Variants in CRIP1 observed in about 807,000 individuals in gnomAD.
The protein encoded by CRIP1 is cysteine rich protein 1, also known as cysteine-rich protein 1.
A neutral mutation model predicts 12.9 loss-of-function variants in CRIP1; 11 were observed. The ratio of observed to expected loss-of-function variants is 0.86; its 90% confidence interval spans 0.54 to 1.42. The LOEUF (loss-of-function observed/expected upper bound fraction) is 1.42, where lower values mean the gene tolerates loss of function less well. Ranked by LOEUF, CRIP1 falls within the 40% of genes most tolerant of loss-of-function variation. The pLI is 0.00. For synonymous variants in CRIP1, 41 were observed against 37.2 expected (o/e 1.10, Z -0.37); for missense variants, 122 against 101.3 (o/e 1.20, Z -0.88).
At position 105,486,933 on chromosome 14, in the gene CRIP1, G is replaced by A; in HGVS notation, c.-101G>A. ...GGGAGACATCACAGCGCTGGGCTAGGGGCGCGGCTTGAACTCGCCTAAAGA... is the reference window on the plus strand; with the variant it reads ...GGGAGACATCACAGCGCTGGGCTAGAGGCGCGGCTTGAACTCGCCTAAAGA... On this transcript the variant is annotated 5_prime_UTR_variant, in exon 1 of 6. Transcript: ENST00000392531. 1 of 1,159,162 alleles carries A rather than the reference G, an allele frequency of 8.6e-7. No individual in the cohort carries two copies. Among genetic ancestry groups the A allele is most frequent in the Non-Finnish European group, 1.1e-6 (1 of 939,448 alleles). The allele number at this position is 1,159,162 out of a possible 1,614,324, so 71.8% of individuals were successfully genotyped here.
rs978755202 is a variant in CRIP1 at position 105,487,486 on chromosome 14, C to T, written c.40+187C>T. 1.1e-5 allele frequency: 6 copies of T among 560,462 alleles called. No individual in the cohort carries two copies. The African/African-American group carries it at 1.2e-4, about 11-fold the overall frequency. The allele number at this position is 560,462 out of a possible 1,614,324, so 34.7% of individuals were successfully genotyped here. ...CCCTGCGTCCGAGGGCCCTGGCGAT[C>T]TCTGCCTGCTAGTGGTCTTGCTGTG... On this transcript the variant is annotated intron_variant, in intron 2 of 5. Transcript: ENST00000392531.
Position 105,488,748 on chromosome 14 carries a change from T to C in CRIP1, c.*91T>C. On this transcript the variant is annotated 3_prime_UTR_variant, in exon 6 of 6. Coordinates refer to ENST00000392531, the MANE Select transcript of CRIP1 (RefSeq NM_001311.5). ...TGTCCCCAGATGCCCAGGGCTCCCT[T>C]GTTGCCCCTAATGCTCTCAGTAAAC... 2 of 588,458 alleles carry C rather than the reference T, an allele frequency of 3.4e-6. No homozygotes were observed. Among genetic ancestry groups the C allele is most frequent in the Non-Finnish European group, 6.1e-6 (2 of 329,810 alleles). The allele number at this position is 588,458 out of a possible 1,614,324, so 36.5% of individuals were successfully genotyped here.
At chr14:105,488,057 T>C (rs2084139913) in intron 2 of CRIP1, 109 bp from the exon 3 acceptor site, 1 of 1,178,426 alleles carries the variant, frequency 8.5e-7, no homozygotes, top group East Asian at 2.4e-5. Context: ...GGATGCGGGC[T>C]AAGTGCACAG....
In CRIP1 at chr14:105,488,318, C is replaced by T. The variant is rs1555438489; in HGVS notation, c.136-13C>T. 2 of 1,613,522 alleles carry T rather than the reference C, an allele frequency of 1.2e-6. No individual in the cohort carries two copies. Among genetic ancestry groups the T allele is most frequent in the East Asian group, 2.2e-5 (1 of 44,884 alleles). ...GGGGTGATGGCACCCCCTCACGGCC[C>T]TTCTCTTTGCAGCACGAAGGCAAAC... On this transcript the variant is annotated splice_polypyrimidine_tract_variant and intron_variant, in intron 3 of 5. Transcript: ENST00000392531.
chr14:105,487,377 G>C, intron 2 of CRIP1, 78 bp downstream of exon 2: 1 of 1,322,070 alleles, frequency 7.6e-7, no homozygotes, highest in South Asian at 1.4e-5. Context: ...AGGAGGACCG[G>C]GGGCGCTGGG....
intron 5 of CRIP1, 43 bp from the exon 6 acceptor site, chr14:105,488,620 G>A (rs971130874): frequency 1.2e-5 from 14 of 1,180,316 alleles, no homozygotes; most frequent in Non-Finnish European, 1.7e-5. Flanking sequence ...AAAGGAGGCC[G>A]TGGACGCTGC....
At position 105,488,326 on chromosome 14, in the gene CRIP1, T is replaced by A; in HGVS notation, c.136-5T>A. ...GGCACCCCCTCACGGCCCTTCTCTT[T>A]GCAGCACGAAGGCAAACCCTACTGC... On this transcript the variant is annotated splice_polypyrimidine_tract_variant and splice_region_variant and intron_variant, in intron 3 of 5. Coordinates refer to ENST00000392531, the MANE Select transcript of CRIP1 (RefSeq NM_001311.5). 6.2e-7 allele frequency: 1 copy of A among 1,613,534 alleles called. No homozygotes were observed. Among genetic ancestry groups the A allele is most frequent in the Non-Finnish European group, 8.5e-7 (1 of 1,180,016 alleles).
intron 5 of CRIP1, 34 bp downstream of exon 5, chr14:105,488,550 G>A (rs1555438600): frequency 3.8e-6 from 6 of 1,561,588 alleles, no homozygotes; most frequent in Non-Finnish European, 5.2e-6. Flanking sequence ...CCTGCCTCCT[G>A]GTTCCACCCT....
Position 105,488,785 on chromosome 14 carries a change from G to C in CRIP1, c.*128G>C. On this transcript the variant is annotated 3_prime_UTR_variant, in exon 6 of 6. Coordinates refer to ENST00000392531, the MANE Select transcript of CRIP1 (RefSeq NM_001311.5). ...TGCTCTCAGTAAACCTGAACACTTG[G>C]AAAACCTGTGTGTGTACATGCGCGT... 1 of 544,480 alleles carries C rather than the reference G, an allele frequency of 1.8e-6. No homozygotes were observed. The highest frequency in any genetic ancestry group is 3.3e-6 in the Non-Finnish European group (1 of 304,960). The allele number at this position is 544,480 out of a possible 1,614,324, so 33.7% of individuals were successfully genotyped here.
intron 2 of CRIP1, chr14:105,487,606 A>C (rs1322616138): frequency 9.3e-6 from 3 of 323,590 alleles, no homozygotes; most frequent in East Asian, 1.0e-4. Context: ...GGGGACCCGC[A>C]GGGCTGGAAG....
At position 105,488,257 on chromosome 14, in the gene CRIP1, TGAGG is replaced by T. The variant is rs2084143898; in HGVS notation, c.133_135+1del. ...AGACGCTGACCTCTGGGGGCCACGCTGAGGTAGGTGGGACCCACCCTGGTGGCAG... is the reference window on the plus strand; with the variant it reads ...AGACGCTGACCTCTGGGGGCCACGCTTAGGTGGGACCCACCCTGGTGGCAG... On this transcript the variant is annotated splice_donor_variant and coding_sequence_variant, in exon 3 of 6. Transcript: ENST00000392531. LOFTEE classifies it high-confidence loss of function. The T allele has an allele frequency of 1.2e-6, 2 of 1,613,310 alleles. No individual in the cohort carries two copies. Among genetic ancestry groups the T allele is most frequent in the East Asian group, 2.2e-5 (1 of 44,896 alleles).
At chr14:105,488,612 A>G (rs59732071) in intron 5 of CRIP1, 51 bp from the exon 6 acceptor site, 232,426 of 1,295,844 alleles carry the variant, frequency 0.18, 25,265 homozygotes, top group African/African-American at 0.5. Flanking sequence ...TGGGCCCCAA[A>G]GGAGGCCGTG....
In CRIP1 at chr14:105,488,214, A is replaced by G. The variant is rs587683805; in HGVS notation, c.89A>G (p.Lys30Arg). The change falls in exon 3 of 6, where the codon AAG becomes AGG. Residue 30 changes from lysine (K) to arginine (R), a missense_variant. Transcript: ENST00000392531. The part of the protein sequence containing the change: ...LGKDWHRPCL[K>R]CEKCGKTLTS... ...AAGGACTGGCATCGGCCCTGCCTGA[A>G]GTGCGAGAAATGTGGGAAGACGCTG... 87 of 1,613,318 alleles carry G rather than the reference A, an allele frequency of 5.4e-5. 1 individual carries two copies. The South Asian group carries it at 8.2e-4, about 15-fold the overall frequency.
intron 1 of CRIP1, 51 bp from the exon 2 acceptor site, chr14:105,487,148 G>T: frequency 1.4e-6 from 2 of 1,464,884 alleles, no homozygotes; most frequent in Non-Finnish European, 1.8e-6. Flanking sequence ...GTCTCCAAGG[G>T]GCGGGGTCCC....
chr14:105,487,933 A>G, intron 2 of CRIP1: 1 of 548,526 alleles, frequency 1.8e-6, no homozygotes, highest in Non-Finnish European at 3.3e-6. Flanking sequence ...CGCACCCGAA[A>G]GTGCCCCGGG....
Position 105,488,209 on chromosome 14 carries a change from C to T in CRIP1, c.84C>T (p.Cys28=), listed in dbSNP as rs782593492. The T allele has an allele frequency of 1.2e-6, 2 of 1,613,302 alleles. No homozygotes were observed. Among genetic ancestry groups the T allele is most frequent in the Middle Eastern group, 1.7e-4 (1 of 6,032 alleles). Reference sequence around the variant, plus strand: ...TGGGCAAGGACTGGCATCGGCCCTGCCTGAAGTGCGAGAAATGTGGGAAGA... The same window carrying T: ...TGGGCAAGGACTGGCATCGGCCCTGTCTGAAGTGCGAGAAATGTGGGAAGA... The part of the protein sequence containing the change: ...TSLGKDWHRP[C]LKCEKCGKTL... The change falls in exon 3 of 6, where the codon TGC becomes TGT. Residue 28 remains cysteine, a synonymous_variant. Coordinates refer to ENST00000392531, the MANE Select transcript of CRIP1 (RefSeq NM_001311.5).
At chr14:105,487,880 C>T (rs2084136392) in intron 2 of CRIP1, 6 of 478,438 alleles carry the variant, frequency 1.3e-5, no homozygotes, top group South Asian at 9.9e-5. Context: ...CCCTCGGCCT[C>T]GCCCTCTAGC....
At chr14:105,487,989 T>C (rs2084138646) in intron 2 of CRIP1, 177 bp from the exon 3 acceptor site, 1 of 614,112 alleles carries the variant, frequency 1.6e-6, no homozygotes, top group Non-Finnish European at 2.9e-6. Flanking sequence ...CTCTGGGGAT[T>C]GGAGATGTTC....
intron 2 of CRIP1, chr14:105,487,531 C>G (rs2141772490): frequency 2.0e-6 from 1 of 502,280 alleles, no homozygotes; most frequent in East Asian, 3.5e-5. Flanking sequence ...CTACCTCTGG[C>G]TCTGAGCCTC....
Sources: allele counts gnomAD v4.1 joint callset, GRCh38; gene constraint gnomAD v4.1.1; transcripts MANE v1.5; gene names NCBI Gene and HGNC (gene_info 2026-07-23, HGNC 2026-07-21).